Variants in DYRK1A observed in about 807,000 individuals in gnomAD.
The protein encoded by DYRK1A is dual specificity tyrosine phosphorylation regulated kinase 1A, also known as dual specificity tyrosine-phosphorylation-regulated kinase 1A.
DYRK1A carries 9 observed loss-of-function variants against 79.7 expected under a neutral mutation model. That is an observed-to-expected ratio of 0.11 (90% confidence interval 0.07 to 0.20). DYRK1A has a LOEUF of 0.20. Among genes scored for constraint, DYRK1A ranks in the 10% least tolerant of loss-of-function variants. DYRK1A has a pLI of 1.00. For synonymous variants in DYRK1A, 349 were observed against 329.7 expected, an observed-to-expected ratio of 1.06 and a Z score of -0.63; for missense variants, 622 against 956.0, an observed-to-expected ratio of 0.65 and a Z score of 4.61.
At chr21:37,425,275 T>G (rs1188567197) in intron 2 of DYRK1A, among the ~76,000 whole-genome samples, 1 of 152,176 alleles carries the variant, frequency 6.6e-6, no homozygotes, top group African/African-American at 2.4e-5. Context: ...AAGAATAATT[T>G]TTGGCATCCT....
intron 2 of DYRK1A, among the ~76,000 whole-genome samples, chr21:37,457,133 G>T (rs1295553207): frequency 4.6e-5 from 7 of 151,914 alleles, no homozygotes. Context: ...GCAGTAGCAC[G>T]ATCCTGGCTC....
rs1385347922 is a variant in DYRK1A, at chr21:37,521,630, A to G, written c.*9099A>G. 1 of 152,250 alleles carries G rather than the reference A, an allele frequency of 6.6e-6. No individual in the cohort carries two copies. Among genetic ancestry groups the G allele is most frequent in the Non-Finnish European group, 1.5e-5 (1 of 68,050 alleles). The allele number at this position is 152,250 out of a possible 1,614,324, so 9.4% of individuals were successfully genotyped here. A position where few individuals can be genotyped will look rare whatever the true frequency, so the allele number is the denominator to read the frequency against. ...TTATTCTAATCCAGAGAGGCTGTGAAGTGCTGTATTCCCAAGGAACTGAAG... is the reference window on the plus strand; with the variant it reads ...TTATTCTAATCCAGAGAGGCTGTGAGGTGCTGTATTCCCAAGGAACTGAAG... On this transcript the variant is annotated 3_prime_UTR_variant, in exon 12 of 12. Coordinates refer to ENST00000647188, the MANE Select transcript of DYRK1A (RefSeq NM_001347721.2).
chr21:37,426,320 C>G (rs1398090050), intron 2 of DYRK1A, among the ~76,000 whole-genome samples: 2 of 152,114 alleles, frequency 1.3e-5, no homozygotes, highest in African/African-American at 4.8e-5. Context: ...GGATCATAGT[C>G]AAAATCCCCA....
chr21:37,508,406 G>T (rs2053657119), intron 11 of DYRK1A, among the ~76,000 whole-genome samples: 1 of 152,176 alleles, frequency 6.6e-6, no homozygotes, highest in African/African-American at 2.4e-5. Context: ...TCCTGCCTCA[G>T]CCTCCTGAGT....
In DYRK1A at chr21:37,466,603, G is replaced by T. The variant is rs553421836; in HGVS notation, c.11-6081G>T. ...ACCATACAAAAATTGATGCAGAGAA[G>T]GCTTGGTGTAGTCAGACTGATAACA... is the stretch of plus-strand genomic sequence containing the variant. On this transcript the variant is annotated intron_variant, in intron 2 of 11. Coordinates refer to ENST00000647188, the MANE Select transcript of DYRK1A (RefSeq NM_001347721.2). Among the ~76,000 whole-genome samples, 9 of 152,202 alleles carry T rather than the reference G, an allele frequency of 5.9e-5. No individual in the cohort carries two copies. In the South Asian group the frequency reaches 6.2e-4, roughly 11 times the overall value.
Position 37,413,300 on chromosome 21 carries a change from A to G in DYRK1A, c.-76-6999A>G, listed in dbSNP as rs998080376. Among the ~76,000 whole-genome samples the G allele has an allele frequency of 1.1e-3, 160 of 152,308 alleles. 1 individual carries two copies. The highest frequency in any genetic ancestry group is 3.4e-3 in the African/African-American group (140 of 41,582). ...GAGATGCAAGGATTATTTAAAGGCA[A>G]TGGTTTATAAAATGATATATAATTA... On this transcript the variant is annotated intron_variant, in intron 1 of 11. Transcript: ENST00000647188.
chr21:37,502,872 A>G lies in DYRK1A; in HGVS notation c.1213-2411A>G, dbSNP rs1434437696. The G allele has an allele frequency of 5.9e-5, 9 of 152,342 alleles. No individual in the cohort carries two copies. The East Asian group carries it at 1.7e-3, about 29-fold the overall frequency. The allele number at this position is 152,342 out of a possible 1,614,324, so 9.4% of individuals were successfully genotyped here. A position where few individuals can be genotyped will look rare whatever the true frequency, so the allele number is the denominator to read the frequency against. ...ATTTTTTGGAAGATATTTTCAGTGA[A>G]TATAGAATTATAGATTAACTTCTTT... On this transcript the variant is annotated intron_variant, in intron 9 of 11. Coordinates refer to ENST00000647188, the MANE Select transcript of DYRK1A (RefSeq NM_001347721.2).
At chr21:37,442,020 T>A (rs1056933831) in intron 2 of DYRK1A, among the ~76,000 whole-genome samples, 2 of 151,930 alleles carry the variant, frequency 1.3e-5, no homozygotes, top group African/African-American at 4.8e-5. Flanking sequence ...TGACACTTTT[T>A]TCTTTCAGTA....
intron 2 of DYRK1A, among the ~76,000 whole-genome samples, chr21:37,463,598 C>T (rs898720946): frequency 1.3e-5 from 2 of 152,184 alleles, no homozygotes; most frequent in Non-Finnish European, 2.9e-5. Context: ...CTAAATATTC[C>T]TGATGGATTC....
At chr21:37,435,880 A>G (rs2050909967) in intron 2 of DYRK1A, among the ~76,000 whole-genome samples, 1 of 152,010 alleles carries the variant, frequency 6.6e-6, no homozygotes, top group Non-Finnish European at 1.5e-5. Flanking sequence ...GTTATTCACT[A>G]CCTCCTGCTA....
intron 2 of DYRK1A, among the ~76,000 whole-genome samples, chr21:37,444,142 A>G (rs571851100): frequency 2.0e-5 from 3 of 152,314 alleles, no homozygotes; most frequent in African/African-American, 7.2e-5. Flanking sequence ...TAGAAGGTTT[A>G]TCAGATTGTA....
chr21:37,395,361 G>A (rs2049941833), intron 1 of DYRK1A, among the ~76,000 whole-genome samples: 1 of 152,146 alleles, frequency 6.6e-6, no homozygotes, highest in Admixed American at 6.5e-5. Flanking sequence ...CTTCAAGGGT[G>A]TAAGGATTGT....
chr21:37,389,919 T>G (rs34572981), intron 1 of DYRK1A, among the ~76,000 whole-genome samples: 1 of 148,356 alleles, frequency 6.7e-6, no homozygotes, highest in African/African-American at 2.5e-5. Flanking sequence ...ATGTATTTTG[T>G]TTTTTGTTTT....
At chr21:37,480,384 T>C (rs2052593728) in intron 4 of DYRK1A, among the ~76,000 whole-genome samples, 2 of 152,188 alleles carry the variant, frequency 1.3e-5, no homozygotes, top group African/African-American at 4.8e-5. Flanking sequence ...AACAAATAAA[T>C]ATAAACCAGG....
chr21:37,379,531 G>A (rs2049614313), intron 1 of DYRK1A, among the ~76,000 whole-genome samples: 2 of 152,132 alleles, frequency 1.3e-5, no homozygotes, highest in South Asian at 4.1e-4. Flanking sequence ...GAACTGTTGA[G>A]GAACTGAAGA....
At chr21:37,426,954 GAAATGAAGAA>G (rs1204003838) in intron 2 of DYRK1A, among the ~76,000 whole-genome samples, 1 of 150,606 alleles carries the variant, frequency 6.6e-6, no homozygotes, top group Non-Finnish European at 1.5e-5. Flanking sequence ...TAACCAAGAA[GAAATGAAGAA>G]AAATGAAGCA....
chr21:37,432,389 T>G (rs1015773199), intron 2 of DYRK1A, among the ~76,000 whole-genome samples: 1 of 152,174 alleles, frequency 6.6e-6, no homozygotes, highest in South Asian at 2.1e-4. Flanking sequence ...AGAAGCAGGA[T>G]TGCCCTTAGG....
chr21:37,453,005 G>C (rs2051509538), intron 2 of DYRK1A, among the ~76,000 whole-genome samples: 1 of 152,194 alleles, frequency 6.6e-6, no homozygotes, highest in Non-Finnish European at 1.5e-5. Flanking sequence ...AGCATTTTGG[G>C]AGGGCAAGGC....
chr21:37,429,351 A>G (rs991129715), intron 2 of DYRK1A, among the ~76,000 whole-genome samples: 1 of 152,198 alleles, frequency 6.6e-6, no homozygotes, highest in Non-Finnish European at 1.5e-5. Context: ...TTGCACTGCT[A>G]TAAAGGAAAC....
Sources: gnomAD v4.1 joint callset for allele counts (sites outside exome capture counted in the v4.1 genomes callset) on GRCh38, gnomAD v4.1.1 for gene constraint, MANE v1.5 for transcripts, NCBI Gene and HGNC (gene_info 2026-07-23, HGNC 2026-07-21) for gene names.